Variants in ABCD2 observed in about 807,000 individuals in gnomAD.
ABCD2 encodes ATP-binding cassette sub-family D member 2.
In ABCD2, 36 loss-of-function variants were observed where a neutral mutation model predicts 70.9. That is an observed-to-expected ratio of 0.51 (90% CI 0.39 to 0.67). ABCD2 has a LOEUF of 0.67. ABCD2 is among the 30% of genes least tolerant of loss of function. ABCD2 has a pLI of 0.00. For missense variants in ABCD2, 729 were observed against 890.2 expected (o/e 0.82, Z 2.30); for synonymous variants, 304 against 306.9 (o/e 0.99, Z 0.10).
chr12:39,532,040 T>G, the ABCD2 span, among the ~76,000 whole-genome samples: 1 of 152,210 alleles, frequency 6.6e-6, no homozygotes. Context: ...TTAGGTGGAT[T>G]AACAGGTATT....
At chr12:39,572,549 C>A (rs1377715199) in intron 9 of ABCD2, among the ~76,000 whole-genome samples, 1 of 152,138 alleles carries the variant, frequency 6.6e-6, no homozygotes, top group Non-Finnish European at 1.5e-5. Flanking sequence ...AATAGATTAT[C>A]TTTTCAATAT....
At chr12:39,578,473 C>CAAAAAAA (rs397850133) in intron 8 of ABCD2, among the ~76,000 whole-genome samples, 1 of 67,084 alleles carries the variant, frequency 1.5e-5, no homozygotes. Context: ...GACTCCGTCT[C>CAAAAAAA]AAAAAAAAAA....
intron 9 of ABCD2, among the ~76,000 whole-genome samples, chr12:39,565,291 C>G (rs2120562146): frequency 6.6e-6 from 1 of 152,210 alleles, no homozygotes; most frequent in East Asian, 1.9e-4. Flanking sequence ...TGTTTGTATC[C>G]TCTTTTATTT....
Position 39,553,921 on chromosome 12 carries a change from C to G in ABCD2, c.2214G>C (p.Glu738Asp). 6.2e-7 allele frequency: 1 copy of G among 1,603,724 alleles called. No homozygotes were observed. The highest frequency in any genetic ancestry group is 8.5e-7 in the Non-Finnish European group (1 of 1,173,648). Residue 738 changes from glutamate (E) to aspartate (D), a missense_variant, in exon 10 of 10, where the codon GAG (glutamate) becomes GAC (aspartate). Around this residue, in one of 3 missense-constraint regions of ABCD2, gnomAD observed 289 missense variants for 328.8 expected, o/e 0.88. Transcript: ENST00000308666. ...SVLKTIKNED[E>D]TS ...AATATGTCAAAACAAATTAAGATGT[C>G]TCATCTTCATTTTTAATTGTTTTCA...
intron 2 of ABCD2, among the ~76,000 whole-genome samples, chr12:39,610,219 T>C (rs1309540364): frequency 1.3e-5 from 2 of 152,214 alleles, no homozygotes; most frequent in Non-Finnish European, 2.9e-5. Context: ...ACTGATTTCA[T>C]GGACTATCAG....
intron 9 of ABCD2, among the ~76,000 whole-genome samples, chr12:39,555,091 A>G (rs1941142209): frequency 6.6e-6 from 1 of 151,998 alleles, no homozygotes; most frequent in African/African-American, 2.4e-5. Context: ...GTAAAATTCG[A>G]TGATTCTTAG....
chr12:39,603,778 G>T, intron 5 of ABCD2, 134 bp downstream of exon 5: 1 of 519,834 alleles, frequency 1.9e-6, no homozygotes, highest in Non-Finnish European at 3.3e-6. Context: ...CTGTAATTGA[G>T]CCACTGTGCA....
At chr12:39,555,833 C>T (rs139443691) in intron 9 of ABCD2, among the ~76,000 whole-genome samples, 45 of 152,280 alleles carry the variant, frequency 3.0e-4, no homozygotes, top group Middle Eastern at 6.8e-3. Flanking sequence ...AAGCCATGGG[C>T]TCCAAATAGC....
chr12:39,593,825 C>A (rs192627025), intron 6 of ABCD2, among the ~76,000 whole-genome samples: 82 of 151,808 alleles, frequency 5.4e-4, no homozygotes, highest in African/African-American at 1.9e-3. Flanking sequence ...AATTAAGGGA[C>A]TATTTTTGAA....
At chr12:39,576,498 C>T (rs1429386238) in intron 8 of ABCD2, among the ~76,000 whole-genome samples, 20 of 152,018 alleles carry the variant, frequency 1.3e-4, no homozygotes, top group Non-Finnish European at 1.5e-5. Flanking sequence ...ACTACATCTT[C>T]TGAGAAAGGG....
chr12:39,536,606 T>TTTG, the ABCD2 span, among the ~76,000 whole-genome samples: 4 of 152,138 alleles, frequency 2.6e-5, no homozygotes, highest in Admixed American at 6.5e-5. Context: ...GAGGAGAGTT[T>TTTG]TTGTTGTTGT....
intron 6 of ABCD2, among the ~76,000 whole-genome samples, chr12:39,597,129 A>G (rs1488823939): frequency 6.6e-6 from 1 of 152,156 alleles, no homozygotes; most frequent in Admixed American, 6.5e-5. Flanking sequence ...CTGGAGTATT[A>G]TTTTTAAAAA....
intron 6 of ABCD2, among the ~76,000 whole-genome samples, chr12:39,587,973 CTAA>C: frequency 6.6e-6 from 1 of 152,122 alleles, no homozygotes; most frequent in East Asian, 1.9e-4. Flanking sequence ...TTTATTTTTG[CTAA>C]TGATATAGGG....
the ABCD2 span, among the ~76,000 whole-genome samples, chr12:39,544,276 A>G: frequency 6.6e-6 from 1 of 152,120 alleles, no homozygotes; most frequent in Admixed American, 6.6e-5. Context: ...GGGTGATGCC[A>G]GCTGATCCAT....
chr12:39,603,813 A>G (rs1461694747), intron 5 of ABCD2, 99 bp downstream of exon 5: 1 of 861,844 alleles, frequency 1.2e-6, no homozygotes, highest in East Asian at 2.5e-5. Context: ...TCCCCTTTCC[A>G]AATGCTCCTC....
rs1941934536 is a variant in ABCD2, at chr12:39,603,935, C to A, written c.1477G>T (p.Val493Leu). The stretch of plus-strand genomic sequence containing the variant: ...ACTTTGAAGTTTAGCCTGGAAGCCA[C>A]CACTTCTCCTGCTGGTGTAATTATG... ...VPIITPAGEV[V>L]ASRLNFKVEE... is the part of the protein sequence containing the mutation. Residue 493 changes from valine to leucine, a missense_variant, in exon 5 of 10, where the codon GTG (valine) becomes TTG (leucine). Val to Leu is a conservative substitution (Grantham distance 32). Transcript: ENST00000308666. 2 of 1,612,030 alleles carry A rather than the reference C, an allele frequency of 1.2e-6. No homozygotes were observed. The highest frequency in any genetic ancestry group is 1.3e-5 in the African/African-American group (1 of 74,798).
chr12:39,552,245 T>C lies in ABCD2; in HGVS notation c.*1667A>G, dbSNP rs1941098193. 1 of 151,894 alleles carries C rather than the reference T, an allele frequency of 6.6e-6. No homozygotes were observed. The highest frequency in any genetic ancestry group is 2.4e-5 in the African/African-American group (1 of 41,426). 9.4% of individuals were successfully genotyped at this position (151,894 alleles called of 1,614,324 possible). ...CTAGCTATCATGGCAGAATTGAAAA[T>C]GTAGAAATGTTATGATGTTCTATAA... On this transcript the variant is annotated 3_prime_UTR_variant, in exon 10 of 10. Coordinates refer to ENST00000308666, the MANE Select transcript of ABCD2 (RefSeq NM_005164.4).
Position 39,555,476 on chromosome 12 carries a change from A to G in ABCD2, c.2004-1345T>C, listed in dbSNP as rs367547254. Among the ~76,000 whole-genome samples the G allele has an allele frequency of 7.9e-5, 12 of 152,328 alleles. No homozygotes were observed. In the East Asian group the frequency reaches 1.3e-3, roughly 17 times the overall value. ...AGGAAACCAGGCAAGAGTTCACAGT[A>G]TCTGGTTACAGAATATTAATAAGAA... On this transcript the variant is annotated intron_variant, in intron 9 of 9. Coordinates refer to ENST00000308666, the MANE Select transcript of ABCD2 (RefSeq NM_005164.4).
chr12:39,576,714 C>G (rs1941522389), intron 8 of ABCD2, among the ~76,000 whole-genome samples: 1 of 152,078 alleles, frequency 6.6e-6, no homozygotes, highest in African/African-American at 2.4e-5. Context: ...ACAAGCAAAA[C>G]CAATTTATGG....
Sources: allele counts gnomAD v4.1 joint callset (sites outside exome capture counted in the v4.1 genomes callset), GRCh38; gene constraint gnomAD v4.1.1; regional missense constraint gnomAD v4.1.1; transcripts MANE v1.5; gene names NCBI Gene and HGNC (gene_info 2026-07-23, HGNC 2026-07-21).